The following SREK1 variants were observed in gnomAD, a reference collection of about 807,000 sequenced individuals.
SREK1 encodes splicing regulatory glutamine/lysine-rich protein 1.
SREK1 carries 13 observed loss-of-function variants against 66.5 expected under a neutral mutation model. That is an observed-to-expected ratio of 0.20 (90% CI 0.13 to 0.31). The LOEUF (loss-of-function observed/expected upper bound fraction) is 0.31, where lower values mean the gene tolerates loss of function less well. Ranked by LOEUF, SREK1 falls within the 10% of genes least tolerant of loss-of-function variation. The pLI is 1.00. For synonymous variants in SREK1, 265 were observed against 263.5 expected (o/e 1.01, Z -0.05); for missense variants, 607 against 769.6 (o/e 0.79, Z 2.50).
At chr5:66,146,690 CTTATA>C (rs759485247) in intron 1 of SREK1, among the ~76,000 whole-genome samples, 42 of 151,312 alleles carry the variant, frequency 2.8e-4, no homozygotes, top group South Asian at 1.5e-3. Flanking sequence ...TTGCCTGGTC[CTTATA>C]TTAGAAGACG....
In SREK1 at chr5:66,181,682, T is replaced by C. The variant is rs1247010539; in HGVS notation, c.*2814T>C. ...GTGCATAAGTTTTGTGTCAAAACTT[T>C]TAAATCCTGAAGTTCTGCAGTTATC... On this transcript the variant is annotated 3_prime_UTR_variant, in exon 12 of 12. Transcript: ENST00000334121. 6.6e-6 allele frequency: 1 copy of C among 152,158 alleles called. No homozygotes were observed. The highest frequency in any genetic ancestry group is 1.5e-5 in the Non-Finnish European group (1 of 68,030). The allele number at this position is 152,158 out of a possible 1,614,324, so 9.4% of individuals were successfully genotyped here.
At chr5:66,151,374 G>T (rs755208430) in intron 1 of SREK1, among the ~76,000 whole-genome samples, 1 of 152,118 alleles carries the variant, frequency 6.6e-6, no homozygotes, top group African/African-American at 2.4e-5. Flanking sequence ...TAACTTAAAG[G>T]AACAGAAAAA....
chr5:66,164,393 A>G (rs1745004791), intron 6 of SREK1: 1 of 350,144 alleles, frequency 2.9e-6, no homozygotes, highest in South Asian at 2.6e-5. Flanking sequence ...ATAATTAAAA[A>G]ACCCATTCTA....
At chr5:66,177,304 CTTGTGTATCCT>C (rs1746138848) in intron 10 of SREK1, 199 bp from the exon 11 acceptor site, 5 of 401,978 alleles carry the variant, frequency 1.2e-5, no homozygotes, top group Non-Finnish European at 1.8e-5. Flanking sequence ...GCCAAAATGA[CTTGTGTATCCT>C]TAAGAAACTA....
chr5:66,160,743 T>C (rs1248671944), intron 3 of SREK1, among the ~76,000 whole-genome samples: 1 of 152,050 alleles, frequency 6.6e-6, no homozygotes. Flanking sequence ...CATTAGCAAG[T>C]GCCATTACTT....
intron 2 of SREK1, chr5:66,158,389 T>G (rs1045717886): frequency 2.1e-4 from 33 of 153,678 alleles, no homozygotes; most frequent in African/African-American, 8.0e-4. Context: ...AAATTGGTTC[T>G]AAAAGTTAAT....
In SREK1 at chr5:66,182,532, T is replaced by C. The variant is rs1446814294; in HGVS notation, c.*3664T>C. The C allele has an allele frequency of 3.9e-5, 6 of 152,148 alleles. No homozygotes were observed. The highest frequency in any genetic ancestry group is 3.8e-4 in the East Asian group (2 of 5,196). 9.4% of individuals were successfully genotyped at this position (152,148 alleles called of 1,614,324 possible). ...TGAGTTTGTTTTTAGTACACTCTTATTGGTGGTTTTGCCTGAAGAGTAATA... is the reference window on the plus strand; with the variant it reads ...TGAGTTTGTTTTTAGTACACTCTTACTGGTGGTTTTGCCTGAAGAGTAATA... On this transcript the variant is annotated 3_prime_UTR_variant, in exon 12 of 12. Coordinates refer to ENST00000334121, the MANE Select transcript of SREK1 (RefSeq NM_001077199.3).
chr5:66,176,684 G>A (rs931534384), intron 10 of SREK1, among the ~76,000 whole-genome samples: 21 of 151,962 alleles, frequency 1.4e-4, no homozygotes, highest in Admixed American at 4.6e-4. Context: ...ATATTTCATC[G>A]TTTGTTTCAT....
chr5:66,156,856 A>G lies in SREK1; in HGVS notation c.296-2363A>G, dbSNP rs112748111. 2,935 of 985,078 alleles carry G rather than the reference A, an allele frequency of 3.0e-3. 71 individuals carry two copies. The African/African-American group carries it at 0.047, about 16-fold the overall frequency. The allele number at this position is 985,078 out of a possible 1,614,324, so 61.0% of individuals were successfully genotyped here. A position where few individuals can be genotyped will look rare whatever the true frequency, so the allele number is the denominator to read the frequency against. On this transcript the variant is annotated intron_variant, in intron 2 of 11. Coordinates refer to ENST00000334121, the MANE Select transcript of SREK1 (RefSeq NM_001077199.3). ...TGTTAGCTTGAATTTTTTGTTGAAT[A>G]TTTTTCAGAGGTTACTAGCTTCTAA...
intron 9 of SREK1, among the ~76,000 whole-genome samples, chr5:66,173,201 A>G (rs1389883688): frequency 3.3e-5 from 5 of 152,158 alleles, no homozygotes; most frequent in Non-Finnish European, 1.5e-5. Context: ...TGTTTACTAA[A>G]TGGAGAATAT....
intron 11 of SREK1, 149 bp downstream of exon 11, chr5:66,177,807 AT>A (rs1339246515): frequency 3.2e-6 from 2 of 627,896 alleles, no homozygotes; most frequent in African/African-American, 1.9e-5. Flanking sequence ...TTAATTGGTA[AT>A]TTAAAAAAAC....
chr5:66,159,778 A>G (rs1017169405), intron 3 of SREK1, among the ~76,000 whole-genome samples: 2 of 152,264 alleles, frequency 1.3e-5, no homozygotes, highest in African/African-American at 2.4e-5. Context: ...TCCATTAACT[A>G]TGCAGAATTA....
At chr5:66,145,080 C>T (rs1743050989) in intron 1 of SREK1, 1 of 985,680 alleles carries the variant, frequency 1.0e-6, no homozygotes, top group Admixed American at 6.1e-5. Flanking sequence ...TTTATCTAAC[C>T]GAGCGCATCC....
chr5:66,172,656 A>C (rs1745735213), intron 9 of SREK1, among the ~76,000 whole-genome samples: 1 of 152,076 alleles, frequency 6.6e-6, no homozygotes, highest in African/African-American at 2.4e-5. Flanking sequence ...TTGGCCTCCC[A>C]AAGTGCTGGG....
intron 6 of SREK1, chr5:66,164,341 G>A (rs921053392): frequency 1.2e-5 from 4 of 321,484 alleles, no homozygotes; most frequent in African/African-American, 8.8e-5. Context: ...ATTTTAGTAA[G>A]GTAAAAGAAC....
At chr5:66,151,074 C>G (rs1055696582) in intron 1 of SREK1, among the ~76,000 whole-genome samples, 3 of 152,156 alleles carry the variant, frequency 2.0e-5, no homozygotes, top group Non-Finnish European at 4.4e-5. Context: ...CTCCTGACAT[C>G]AGGTGATCTG....
At chr5:66,145,660 A>G (rs755373483) in intron 1 of SREK1, among the ~76,000 whole-genome samples, 3 of 151,744 alleles carry the variant, frequency 2.0e-5, no homozygotes, top group Non-Finnish European at 1.5e-5. Context: ...AAAAGTTGAA[A>G]GAGTAATACA....
chr5:66,178,923 T>G lies in SREK1; in HGVS notation c.*55T>G. On this transcript the variant is annotated 3_prime_UTR_variant, in exon 12 of 12. Transcript: ENST00000334121. ...CTGGAATCAAATCCAAAGCTTTTAA[T>G]TCTCTCAACAAGATGTAAACAGGAA... is the stretch of plus-strand genomic sequence containing the variant. 6.7e-7 allele frequency: 1 copy of G among 1,482,290 alleles called. No individual in the cohort carries two copies. The highest frequency in any genetic ancestry group is 9.0e-7 in the Non-Finnish European group (1 of 1,107,424). The allele number at this position is 1,482,290 out of a possible 1,614,324, so 91.8% of individuals were successfully genotyped here.
chr5:66,170,470 AATG>A, intron 8 of SREK1, 112 bp from the exon 9 acceptor site: 1 of 1,309,306 alleles, frequency 7.6e-7, no homozygotes, highest in Non-Finnish European at 1.0e-6. Context: ...TGTATATGTA[AATG>A]TCTGTAGGTA....
Sources: gnomAD v4.1 joint callset for allele counts (sites outside exome capture counted in the v4.1 genomes callset) on GRCh38, gnomAD v4.1.1 for gene constraint, MANE v1.5 for transcripts, NCBI Gene and HGNC (gene_info 2026-07-23, HGNC 2026-07-21) for gene names.